The following KMO variants were observed in gnomAD, a reference collection of about 807,000 sequenced individuals.
KMO encodes kynurenine 3-monooxygenase, also known as kynurenine 3-hydroxylase.
KMO carries 24 observed loss-of-function variants against 57.8 expected under a neutral mutation model. The observed-to-expected ratio is 0.42, with a 90% CI of 0.30 to 0.58. The LOEUF (loss-of-function observed/expected upper bound fraction) is 0.58. Ranked by LOEUF, KMO falls within the 20% of genes least tolerant of loss-of-function variation. KMO has a pLI of 0.22. For missense variants in KMO, 483 were observed against 588.2 expected (o/e 0.82, Z 1.85); for synonymous variants, 210 against 193.6 (o/e 1.08, Z -0.70).
rs1663392694 is a variant in KMO, at chr1:241,593,450, T to C, written c.*1297T>C. The C allele has an allele frequency of 2.8e-6, 1 of 360,792 alleles. No homozygotes were observed. Among genetic ancestry groups the C allele is most frequent in the Non-Finnish European group, 6.4e-6 (1 of 155,552 alleles). The allele number at this position is 360,792 out of a possible 1,614,324, so 22.3% of individuals were successfully genotyped here. ...CATATAAGAAATAAAAATTGGGCAA[T>C]AAAATAAAATGATTCAGTGTTTCTT... On this transcript the variant is annotated 3_prime_UTR_variant, in exon 15 of 15. Transcript: ENST00000366559.
At chr1:241,558,046 G>C (rs185290769) in intron 5 of KMO, among the ~76,000 whole-genome samples, 1 of 152,344 alleles carries the variant, frequency 6.6e-6, no homozygotes, top group Admixed American at 6.5e-5. Flanking sequence ...CCGTTTTATA[G>C]ATGGTGAAAT....
chr1:241,563,952 T>A (rs750023995), intron 7 of KMO, among the ~76,000 whole-genome samples: 1 of 152,218 alleles, frequency 6.6e-6, no homozygotes, highest in South Asian at 2.1e-4. Context: ...CTACCACTAG[T>A]ATTACTGTTA....
chr1:241,584,271 G>A (rs192614939), intron 10 of KMO, among the ~76,000 whole-genome samples: 25 of 152,266 alleles, frequency 1.6e-4, no homozygotes, highest in Admixed American at 1.4e-3. Flanking sequence ...CTGGTCATCA[G>A]AGAAATGCAA....
intron 4 of KMO, among the ~76,000 whole-genome samples, chr1:241,555,297 T>C (rs914138102): frequency 6.6e-6 from 1 of 152,240 alleles, no homozygotes; most frequent in East Asian, 1.9e-4. Context: ...GCTGAAAATA[T>C]TACATTTATG....
chr1:241,571,071 T>C (rs1459478101), intron 10 of KMO, among the ~76,000 whole-genome samples: 1 of 152,146 alleles, frequency 6.6e-6, no homozygotes, highest in African/African-American at 2.4e-5. Context: ...TGGTTTCTTT[T>C]TCAGATTGTT....
intron 10 of KMO, among the ~76,000 whole-genome samples, chr1:241,571,670 T>C (rs1662283820): frequency 6.6e-6 from 1 of 152,078 alleles, no homozygotes; most frequent in African/African-American, 2.4e-5. Flanking sequence ...TAATGTGTTA[T>C]TGAATTTGGT....
At chr1:241,564,699 G>T (rs932677081) in intron 7 of KMO, among the ~76,000 whole-genome samples, 6 of 133,552 alleles carry the variant, frequency 4.5e-5, no homozygotes, top group Non-Finnish European at 9.7e-5. Flanking sequence ...CAAGATTTGA[G>T]AACATAAGAT....
intron 6 of KMO, among the ~76,000 whole-genome samples, chr1:241,561,632 T>G (rs1661842760): frequency 6.6e-6 from 1 of 152,252 alleles, no homozygotes; most frequent in Non-Finnish European, 1.5e-5. Flanking sequence ...TTTCTTAAAT[T>G]GCAACTCTTC....
chr1:241,533,532 G>A (rs1660650500), intron 1 of KMO, among the ~76,000 whole-genome samples: 1 of 152,136 alleles, frequency 6.6e-6, no homozygotes, highest in Admixed American at 6.5e-5. Flanking sequence ...ATCACATGAT[G>A]TGTTGGTCAC....
At chr1:241,590,538 T>C (rs1324362151) in intron 14 of KMO, among the ~76,000 whole-genome samples, 1 of 152,248 alleles carries the variant, frequency 6.6e-6, no homozygotes, top group East Asian at 1.9e-4. Flanking sequence ...CAAGATGTAC[T>C]GTTCTTGATT....
At chr1:241,566,015 C>A (rs894490058) in intron 8 of KMO, among the ~76,000 whole-genome samples, 4 of 152,064 alleles carry the variant, frequency 2.6e-5, no homozygotes, top group African/African-American at 9.6e-5. Context: ...GACCAACCTG[C>A]CCAACATGGA....
intron 10 of KMO, among the ~76,000 whole-genome samples, chr1:241,573,069 A>G (rs978825602): frequency 5.4e-4 from 82 of 152,148 alleles, no homozygotes; most frequent in African/African-American, 1.9e-3. Context: ...CCATATCTTT[A>G]CAATAGAGAA....
At position 241,560,713 on chromosome 1, in the gene KMO, T is replaced by C; in HGVS notation, c.410T>C (p.Leu137Ser). 1 of 1,613,766 alleles carries C rather than the reference T, an allele frequency of 6.2e-7. No homozygotes were observed. Residue 137 changes from leucine to serine, a missense_variant, in exon 6 of 15, where the codon TTG becomes TCG. Leu to Ser is a moderately radical substitution (Grantham distance 145). Coordinates refer to ENST00000366559, the MANE Select transcript of KMO (RefSeq NM_003679.5). ...AAAATGCACTTTAACCACAGGCTGT[T>C]GAAATGTAATCCAGAGGAAGGAATG... ...NVKMHFNHRL[L>S]KCNPEEGMIT... is the part of the protein sequence containing the mutation.
chr1:241,589,584 G>A (rs1037206512), intron 12 of KMO, among the ~76,000 whole-genome samples: 7 of 152,072 alleles, frequency 4.6e-5, no homozygotes, highest in African/African-American at 1.4e-4. Flanking sequence ...GGATGGCTAC[G>A]ACACAGTATC....
chr1:241,559,928 C>T (rs776902613), intron 5 of KMO, among the ~76,000 whole-genome samples: 9 of 152,026 alleles, frequency 5.9e-5, no homozygotes, highest in Non-Finnish European at 1.2e-4. Context: ...TATTCCAGCT[C>T]TAACACCTGT....
At chr1:241,581,674 C>G (rs1302910761) in intron 10 of KMO, among the ~76,000 whole-genome samples, 1 of 152,096 alleles carries the variant, frequency 6.6e-6, no homozygotes, top group Non-Finnish European at 1.5e-5. Flanking sequence ...CACTTTAACT[C>G]CATCCCCCTG....
At chr1:241,540,332 T>C (rs1488713083) in intron 1 of KMO, among the ~76,000 whole-genome samples, 1 of 152,068 alleles carries the variant, frequency 6.6e-6, no homozygotes, top group Non-Finnish European at 1.5e-5. Flanking sequence ...AATAAATAAT[T>C]CAATGTACTT....
chr1:241,567,882 T>A (rs961567196), intron 9 of KMO, among the ~76,000 whole-genome samples: 2 of 152,220 alleles, frequency 1.3e-5, no homozygotes, highest in Non-Finnish European at 2.9e-5. Flanking sequence ...CTAGGTACCA[T>A]TTGTCTACTT....
intron 11 of KMO, among the ~76,000 whole-genome samples, chr1:241,588,439 A>T (rs1663106419): frequency 1.4e-5 from 2 of 144,066 alleles, no homozygotes; most frequent in Non-Finnish European, 3.0e-5. Flanking sequence ...TGACTGGTTT[A>T]CACATGACGT....
Sources: allele counts gnomAD v4.1 joint callset (sites outside exome capture counted in the v4.1 genomes callset), GRCh38; gene constraint gnomAD v4.1.1; transcripts MANE v1.5; gene names NCBI Gene and HGNC (gene_info 2026-07-23, HGNC 2026-07-21).